Variants in DOCK3 observed in about 807,000 individuals in gnomAD.
DOCK3 encodes the protein dedicator of cytokinesis protein 3.
Under a neutral mutation model 265.6 loss-of-function variants are expected in DOCK3, and 60 were observed. That is an observed-to-expected ratio of 0.23 (90% CI 0.18 to 0.28). The LOEUF is 0.28. DOCK3 is among the 10% of genes least tolerant of loss of function. The pLI is 1.00. For missense variants in DOCK3, 1,981 were observed against 2,594.3 expected, an observed-to-expected ratio of 0.76 and a Z score of 5.14; for synonymous variants, 881 against 938.0, an observed-to-expected ratio of 0.94 and a Z score of 1.11.
chr3:51,246,133 T>A (rs2078829379), intron 21 of DOCK3, among the ~76,000 whole-genome samples: 1 of 152,222 alleles, frequency 6.6e-6, no homozygotes, highest in Non-Finnish European at 1.5e-5. Flanking sequence ...CATACTTTTA[T>A]TCAGAATCTA....
chr3:50,783,387 A>G (rs2042025522), intron 2 of DOCK3, among the ~76,000 whole-genome samples: 1 of 151,838 alleles, frequency 6.6e-6, no homozygotes, highest in Non-Finnish European at 1.5e-5. Context: ...GTAAGGTGGC[A>G]TCTCATTGTG....
intron 5 of DOCK3, among the ~76,000 whole-genome samples, chr3:50,939,170 A>G (rs147838071): frequency 2.3e-3 from 351 of 152,256 alleles, no homozygotes; most frequent in Non-Finnish European, 3.9e-3. Context: ...ATGATAGTTT[A>G]AGATGAATAG....
At chr3:50,751,243 CAT>C (rs1465071733) in intron 1 of DOCK3, among the ~76,000 whole-genome samples, 2 of 150,900 alleles carry the variant, frequency 1.3e-5, no homozygotes, top group Middle Eastern at 3.4e-3. Context: ...GACCCTGTGA[CAT>C]AAAAAGAATG....
chr3:50,808,371 C>A (rs183915254), intron 2 of DOCK3, among the ~76,000 whole-genome samples: 1 of 152,130 alleles, frequency 6.6e-6, no homozygotes, highest in Non-Finnish European at 1.5e-5. Context: ...TTATGACATT[C>A]ATATGAAAAT....
intron 1 of DOCK3, among the ~76,000 whole-genome samples, chr3:50,757,901 C>T (rs1363838855): frequency 1.3e-5 from 2 of 151,998 alleles, no homozygotes. Context: ...GATGGCTGGG[C>T]ACGGTGGCTC....
At chr3:50,951,519 T>C (rs897244070) in intron 5 of DOCK3, among the ~76,000 whole-genome samples, 2 of 152,202 alleles carry the variant, frequency 1.3e-5, no homozygotes, top group East Asian at 1.9e-4. Flanking sequence ...AAAAATGATA[T>C]TGAAATCTTG....
In DOCK3 at chr3:50,864,162, T is replaced by C. The variant is rs2609029; in HGVS notation, c.162+22447T>C. ...AATAGCTATTGTAACTAGGGTAAGA[T>C]GGATATCTCATTGTAGTTTTTATTT... On this transcript the variant is annotated intron_variant, in intron 3 of 52. Transcript: ENST00000266037. Among the ~76,000 whole-genome samples the C allele has an allele frequency of 2.8e-3, 424 of 152,318 alleles. 6 individuals carry two copies. The highest frequency in any genetic ancestry group is 9.2e-3 in the African/African-American group (381 of 41,584).
chr3:50,841,709 T>G lies in DOCK3; in HGVS notation c.156T>G (p.Asn52Lys). The part of the protein sequence containing the change: ...WYRGVSTKKP[N>K]VKGIFPANYI... ...GAGGAGTTTCAACAAAGAAGCCAAA[T>G]GTGAAGGTAATGAAAAGTTTATTGT... is the stretch of plus-strand genomic sequence containing the variant. The change falls in exon 3 of 53, where the codon AAT becomes AAG. Residue 52 changes from asparagine (N) to lysine (K), a missense_variant. Physicochemically the swap from Asn to Lys is moderately conservative, Grantham distance 94. This residue lies in a region of DOCK3 where 456 missense variants were observed against 539.0 expected (regional missense o/e 0.85). Coordinates refer to ENST00000266037, the MANE Select transcript of DOCK3 (RefSeq NM_004947.5). 8.4e-7 allele frequency: 1 copy of G among 1,189,482 alleles called. No homozygotes were observed. The highest frequency in any genetic ancestry group is 1.1e-6 in the Non-Finnish European group (1 of 922,364). The allele number at this position is 1,189,482 out of a possible 1,614,324, so 73.7% of individuals were successfully genotyped here.
intron 3 of DOCK3, among the ~76,000 whole-genome samples, chr3:50,870,206 G>A (rs767267499): frequency 1.3e-5 from 2 of 152,122 alleles, no homozygotes; most frequent in Non-Finnish European, 2.9e-5. Context: ...TACTGAAAGT[G>A]GGGTGTTGAT....
At chr3:51,238,096 T>TGTTCCATTGTATATATTTACCACTTTC (rs2078428538) in intron 21 of DOCK3, among the ~76,000 whole-genome samples, 1 of 144,444 alleles carries the variant, frequency 6.9e-6, no homozygotes, top group Non-Finnish European at 1.5e-5. Context: ...GACTGAATAA[T>TGTTCCATTGTATATATTTACCACTTTC]GTTCCATTGT....
Position 51,358,129 on chromosome 3 carries a change from C to T in DOCK3, c.4884+52C>T. On this transcript the variant is annotated intron_variant, in intron 46 of 52. Transcript: ENST00000266037. The stretch of plus-strand genomic sequence containing the variant: ...CTGCAGTAGAACCAGGTGTCACTTC[C>T]TCCAGACCTACGCCACAAACCAAAG... The T allele has an allele frequency of 1.9e-6, 3 of 1,577,064 alleles. No homozygotes were observed. In the South Asian group the frequency reaches 3.3e-5, roughly 18 times the overall value.
intron 35 of DOCK3, among the ~76,000 whole-genome samples, chr3:51,336,152 C>T (rs2084855528): frequency 6.6e-6 from 1 of 152,042 alleles, no homozygotes; most frequent in African/African-American, 2.4e-5. Context: ...ATTACCTGAA[C>T]CTGTTATGTA....
chr3:51,289,082 A>G (rs961766733), intron 27 of DOCK3, among the ~76,000 whole-genome samples: 1 of 152,152 alleles, frequency 6.6e-6, no homozygotes, highest in East Asian at 1.9e-4. Context: ...TAAAAAAAGA[A>G]CGTATATACC....
At chr3:50,837,416 C>T (rs1461028461) in intron 2 of DOCK3, among the ~76,000 whole-genome samples, 1 of 152,166 alleles carries the variant, frequency 6.6e-6, no homozygotes, top group African/African-American at 2.4e-5. Flanking sequence ...ACACGTCCTT[C>T]TTCACATGGT....
intron 23 of DOCK3, among the ~76,000 whole-genome samples, chr3:51,267,339 A>G (rs2080242087): frequency 6.6e-6 from 1 of 151,964 alleles, no homozygotes; most frequent in Non-Finnish European, 1.5e-5. Context: ...GGGATTATAA[A>G]TCATTCTACT....
At chr3:50,999,099 C>G (rs1337049514) in intron 5 of DOCK3, among the ~76,000 whole-genome samples, 1 of 152,090 alleles carries the variant, frequency 6.6e-6, no homozygotes. Flanking sequence ...ATCAGTGAAG[C>G]AAATATTTCT....
At chr3:51,065,554 A>ATTTTT (rs1202956854) in intron 6 of DOCK3, among the ~76,000 whole-genome samples, 2 of 152,240 alleles carry the variant, frequency 1.3e-5, no homozygotes, top group Non-Finnish European at 2.9e-5. Context: ...TTGGCTTAAA[A>ATTTTT]GAGTGTCTAA....
intron 1 of DOCK3, among the ~76,000 whole-genome samples, chr3:50,768,913 C>CT (rs1179196534): frequency 3.3e-5 from 5 of 151,472 alleles, no homozygotes; most frequent in East Asian, 1.9e-4. Context: ...TTCTCAGGAA[C>CT]TTTTTTTTTG....
chr3:51,335,509 A>G (rs7625006), intron 35 of DOCK3, among the ~76,000 whole-genome samples: 127,551 of 152,218 alleles, frequency 0.84, 53,714 homozygotes, highest in East Asian at 0.94. Context: ...ATTCTGTCTT[A>G]CCTTACAAAA....
Sources: gnomAD v4.1 joint callset for allele counts (sites outside exome capture counted in the v4.1 genomes callset) on GRCh38, gnomAD v4.1.1 for gene constraint, gnomAD v4.1.1 regional missense constraint, MANE v1.5 for transcripts, NCBI Gene and HGNC (gene_info 2026-07-23, HGNC 2026-07-21) for gene names.